Variants in AKAP9 observed in about 807,000 individuals in gnomAD.
AKAP9 encodes A-kinase anchoring protein 9.
AKAP9 carries 311 observed loss-of-function variants against 488.5 expected under a neutral mutation model. That is an observed-to-expected ratio of 0.64 (90% CI 0.58 to 0.70). AKAP9 has a LOEUF of 0.70. Ranked by LOEUF, AKAP9 falls within the 30% of genes least tolerant of loss-of-function variation. AKAP9 has a pLI of 0.00. For synonymous variants in AKAP9, 1,462 were observed against 1,483.5 expected, an observed-to-expected ratio of 0.99 and a Z score of 0.33; for missense variants, 4,215 against 4,374.5, an observed-to-expected ratio of 0.96 and a Z score of 1.03.
At chr7:92,045,767 C>A (rs1319034816) in intron 21 of AKAP9, among the ~76,000 whole-genome samples, 1 of 151,848 alleles carries the variant, frequency 6.6e-6, no homozygotes, top group Non-Finnish European at 1.5e-5. Flanking sequence ...TCCTGATATG[C>A]CAGAGCTGTC....
intron 3 of AKAP9, among the ~76,000 whole-genome samples, chr7:91,984,470 T>G (rs1407966600): frequency 6.6e-6 from 1 of 152,212 alleles, no homozygotes; most frequent in African/African-American, 2.4e-5. Flanking sequence ...GAGGCCTGTG[T>G]TCTGTTCCAT....
chr7:92,051,216 A>C (rs2130802077), intron 21 of AKAP9, among the ~76,000 whole-genome samples: 1 of 152,278 alleles, frequency 6.6e-6, no homozygotes, highest in East Asian at 1.9e-4. Flanking sequence ...CCTTTGCCCT[A>C]AAAAGCCTAG....
chr7:92,106,631 T>A (rs567632135), intron 47 of AKAP9, among the ~76,000 whole-genome samples: 3 of 152,220 alleles, frequency 2.0e-5, no homozygotes, highest in African/African-American at 7.2e-5. Flanking sequence ...TCCTTCTGTC[T>A]ACACCTAGAA....
chr7:92,099,624 C>A, intron 43 of AKAP9, 63 bp from the exon 44 acceptor site: 2 of 1,519,666 alleles, frequency 1.3e-6, no homozygotes, highest in Non-Finnish European at 1.8e-6. Context: ...CCTATTCACA[C>A]TTTATATGCA....
At chr7:92,049,815 G>A (rs1807621826) in intron 21 of AKAP9, among the ~76,000 whole-genome samples, 1 of 151,832 alleles carries the variant, frequency 6.6e-6, no homozygotes, top group African/African-American at 2.4e-5. Context: ...GTACTTTAAT[G>A]TCTATTTTTA....
intron 21 of AKAP9, among the ~76,000 whole-genome samples, chr7:92,049,558 C>T (rs537583795): frequency 7.9e-5 from 12 of 152,070 alleles, no homozygotes; most frequent in African/African-American, 1.2e-4. Flanking sequence ...TTTCAGTGAG[C>T]GGAGATCCAG....
chr7:92,075,699 A>G (rs531281448), intron 28 of AKAP9, among the ~76,000 whole-genome samples: 27 of 152,348 alleles, frequency 1.8e-4, no homozygotes, highest in African/African-American at 6.3e-4. Context: ...TAAAGTTGTA[A>G]CAGGGTTTTA....
intron 1 of AKAP9, chr7:91,970,364 A>G: frequency 5.5e-6 from 2 of 362,950 alleles, no homozygotes; most frequent in Non-Finnish European, 1.1e-5. Flanking sequence ...GCGCTACACC[A>G]CAATTACAGT....
rs1813984684 is a variant in AKAP9 at position 92,083,615 on chromosome 7, G to T, written c.8606G>T (p.Gly2869Val). 1 of 1,607,108 alleles carries T rather than the reference G, an allele frequency of 6.2e-7. No individual in the cohort carries two copies. The highest frequency in any genetic ancestry group is 1.3e-5 in the African/African-American group (1 of 74,428). ...GTTCAGTTACTGAAAGAGGAATGTGGTACCTTGAAGGCAGTGATACAGTGT... is the reference window on the plus strand; with the variant it reads ...GTTCAGTTACTGAAAGAGGAATGTGTTACCTTGAAGGCAGTGATACAGTGT... ...VAVQLLKEECGTLKAVIQCLR... is the reference protein window; with the variant it reads ...VAVQLLKEECVTLKAVIQCLR... The change falls in exon 33 of 50, where the codon GGT becomes GTT. Residue 2869 changes from glycine (G) to valine (V), a missense_variant. Physicochemically the swap from Gly to Val is moderately radical, Grantham distance 109. Coordinates refer to ENST00000356239, the MANE Select transcript of AKAP9 (RefSeq NM_005751.5).
In AKAP9 at chr7:92,014,270, A is replaced by G. The variant is rs969969451; in HGVS notation, c.3554A>G (p.His1185Arg). 1.9e-6 allele frequency: 3 copies of G among 1,613,028 alleles called. No homozygotes were observed. In the African/African-American group the frequency reaches 4.0e-5, roughly 22 times the overall value. Residue 1185 changes from histidine (H) to arginine (R), a missense_variant, in exon 10 of 50, where the codon CAT becomes CGT. This residue lies in a region of AKAP9 where 2,361 missense variants were observed against 2,430.0 expected (regional missense o/e 0.97). Transcript: ENST00000356239. Reference protein sequence around the residue: ...QETGDEGKPLHLLIGKLQKAV... With the variant: ...QETGDEGKPLRLLIGKLQKAV... The stretch of plus-strand genomic sequence containing the variant: ...TTAGGTGATGAAGGAAAGCCTTTAC[A>G]TCTGCTCATTGGAAAACTTCAAAAG...
Position 92,001,447 on chromosome 7 carries a change from A to G in AKAP9, c.1530A>G (p.Glu510=). Residue 510 remains glutamate (E), a synonymous_variant, in exon 8 of 50, where the codon GAA becomes GAG. Coordinates refer to ENST00000356239, the MANE Select transcript of AKAP9 (RefSeq NM_005751.5). The part of the protein sequence containing the change: ...IKLQDTNSQK[E]KLKEELGLIL... The stretch of plus-strand genomic sequence containing the variant: ...TGCAAGATACTAACTCTCAAAAGGA[A>G]AAACTCAAGGAAGAACTAGGACTAA... 1.2e-6 allele frequency: 2 copies of G among 1,613,918 alleles called. No individual in the cohort carries two copies. The highest frequency in any genetic ancestry group is 8.5e-7 in the Non-Finnish European group (1 of 1,179,862).
Position 92,007,358 on chromosome 7 carries a change from A to C in AKAP9, c.3318+4123A>C, listed in dbSNP as rs373110634. 3.1e-5 allele frequency among the ~76,000 whole-genome samples: 4 copies of C among 130,516 alleles called. 1 individual carries two copies. The allele number at this position is 130,516 out of a possible 152,430, so 85.6% of individuals were successfully genotyped here. On this transcript the variant is annotated intron_variant, in intron 8 of 49. Transcript: ENST00000356239. ...CCCAGGCTAGAGTGGATCTCAGCTC[A>C]CTACAAACTCAGCCTATCAAGTAGG...
chr7:92,086,449 A>G, intron 37 of AKAP9, 33 bp downstream of exon 37: 1 of 1,537,796 alleles, frequency 6.5e-7, no homozygotes, highest in Non-Finnish European at 9.0e-7. Context: ...AAACACTTTA[A>G]TAGAAATAAG....
intron 26 of AKAP9, among the ~76,000 whole-genome samples, chr7:92,066,759 T>C (rs1810835525): frequency 6.6e-6 from 1 of 152,240 alleles, no homozygotes; most frequent in South Asian, 2.1e-4. Flanking sequence ...ATATGTCTTC[T>C]AGTATTTCTC....
intron 8 of AKAP9, among the ~76,000 whole-genome samples, chr7:92,009,187 A>G (rs1800352063): frequency 6.6e-6 from 1 of 152,106 alleles, no homozygotes; most frequent in African/African-American, 2.4e-5. Context: ...AGATGTCTGC[A>G]GTGAGCTATG....
rs1184732212 is a variant in AKAP9, at chr7:92,052,953, A to C, written c.5596A>C (p.Ser1866Arg). The change falls in exon 22 of 50, where the codon AGT (serine) becomes CGT (arginine). Residue 1866 changes from serine to arginine, a missense_variant. Transcript: ENST00000356239. Reference protein sequence around the residue: ...KLLEAISETSSQLEHAKVTQT... With the variant: ...KLLEAISETSRQLEHAKVTQT... ...CCTAGAAGCCATAAGTGAAACTAGC[A>C]GTCAGGTAACCTCCTTATATTGCTA... The C allele has an allele frequency of 2.5e-6, 4 of 1,611,928 alleles. No individual in the cohort carries two copies. The highest frequency in any genetic ancestry group is 1.1e-5 in the South Asian group (1 of 91,030).
chr7:92,085,706 CATT>C lies in AKAP9; in HGVS notation c.9024+21_9024+23del. The stretch of plus-strand genomic sequence containing the variant: ...GCCGAGGTAACCAAAGAATACTATG[CATT>C]TAAATCATTTTATGTATTATTTGAA... On this transcript the variant is annotated intron_variant, in intron 36 of 49. Transcript: ENST00000356239. The C allele has an allele frequency of 6.5e-7, 1 of 1,530,398 alleles. No individual in the cohort carries two copies. The highest frequency in any genetic ancestry group is 9.0e-7 in the Non-Finnish European group (1 of 1,112,086). The allele number at this position is 1,530,398 out of a possible 1,614,324, so 94.8% of individuals were successfully genotyped here. A position where few individuals can be genotyped will look rare whatever the true frequency, so the allele number is the denominator to read the frequency against.
intron 49 of AKAP9, 142 bp downstream of exon 49, chr7:92,108,775 T>G (rs1818927227): frequency 1.0e-6 from 1 of 984,990 alleles, no homozygotes; most frequent in African/African-American, 1.6e-5. Flanking sequence ...AGCCAAAGCT[T>G]AAACTCTTGT....
In AKAP9 at chr7:92,001,866, T is replaced by C. The variant is rs1799222615; in HGVS notation, c.1949T>C (p.Ile650Thr). 6.2e-7 allele frequency: 1 copy of C among 1,613,162 alleles called. No homozygotes were observed. Among genetic ancestry groups the C allele is most frequent in the African/African-American group, 1.3e-5 (1 of 74,894 alleles). The change falls in exon 8 of 50, where the codon ATA becomes ACA. Residue 650 changes from isoleucine (I) to threonine (T), a missense_variant. Physicochemically the swap from Ile to Thr is moderately conservative, Grantham distance 89. Around this residue, in one of 5 missense-constraint regions of AKAP9, gnomAD observed 2,361 missense variants for 2,430.0 expected, o/e 0.97. Coordinates refer to ENST00000356239, the MANE Select transcript of AKAP9 (RefSeq NM_005751.5). ...LKEDLEIEHR[I>T]NIEKLKDNLG... ...GAAGATTTAGAAATTGAACATCGAA[T>C]AAATATTGAAAAACTTAAAGATAAT...
Sources: allele counts gnomAD v4.1 joint callset (sites outside exome capture counted in the v4.1 genomes callset), GRCh38; gene constraint gnomAD v4.1.1; regional missense constraint gnomAD v4.1.1; transcripts MANE v1.5; gene names NCBI Gene and HGNC (gene_info 2026-07-23, HGNC 2026-07-21).